TMC7: variants seen among roughly 807,000 people sequenced by gnomAD.
TMC7 encodes transmembrane channel-like protein 7.
TMC7 carries 54 observed loss-of-function variants against 82.9 expected under a neutral mutation model. That is an observed-to-expected ratio of 0.65 (90% CI 0.52 to 0.82). The LOEUF (loss-of-function observed/expected upper bound fraction) is 0.82. TMC7 is among the 40% of genes least tolerant of loss of function. The pLI is 0.00. For synonymous variants in TMC7, 350 were observed against 337.9 expected (o/e 1.04, Z -0.39); for missense variants, 820 against 901.2 (o/e 0.91, Z 1.15).
In TMC7 at chr16:19,062,408, A is replaced by C. The variant is rs989124198; in HGVS notation, c.*565A>C. ...TTTGGGAGGCCGAGGCAGGCGGAGC[A>C]CCTAAGTTGGGGAGTTCAAGACCAG... On this transcript the variant is annotated 3_prime_UTR_variant, in exon 16 of 16. Transcript: ENST00000304381. 1.3e-5 allele frequency: 2 copies of C among 152,270 alleles called. No individual in the cohort carries two copies. Among genetic ancestry groups the C allele is most frequent in the African/African-American group, 4.8e-5 (2 of 41,464 alleles). 9.4% of individuals were successfully genotyped at this position (152,270 alleles called of 1,614,324 possible).
chr16:19,048,545 C>T (rs528255521), intron 12 of TMC7, among the ~76,000 whole-genome samples: 1 of 152,236 alleles, frequency 6.6e-6, no homozygotes, highest in East Asian at 1.9e-4. Flanking sequence ...CCTCAGCCTC[C>T]TGAGTAGCTG....
chr16:19,054,986 G>A (rs1961706470), intron 13 of TMC7, among the ~76,000 whole-genome samples: 2 of 152,052 alleles, frequency 1.3e-5, no homozygotes, highest in African/African-American at 2.4e-5. Context: ...GACCTCAAGT[G>A]ATCCATCTGC....
rs1156952018 is a variant in TMC7, at chr16:19,047,111, G to A, written c.1602G>A (p.Gly534=). 2 of 1,613,928 alleles carry A rather than the reference G, an allele frequency of 1.2e-6. No homozygotes were observed. The highest frequency in any genetic ancestry group is 2.7e-5 in the African/African-American group (2 of 75,024). ...CSSCKLIQCW[G]QQEFAIPDNV... Reference sequence around the variant, plus strand: ...CTTGCAAGCTGATTCAGTGCTGGGGGCAGCAGGAGTTTGCCATTCCTGATA... The same window carrying A: ...CTTGCAAGCTGATTCAGTGCTGGGGACAGCAGGAGTTTGCCATTCCTGATA... Residue 534 remains glycine, a synonymous_variant, in exon 12 of 16, where the codon GGG becomes GGA. Transcript: ENST00000304381.
At chr16:18,997,561 G>T (rs1302776573) in intron 1 of TMC7, among the ~76,000 whole-genome samples, 1 of 151,546 alleles carries the variant, frequency 6.6e-6, no homozygotes, top group African/African-American at 2.4e-5. Context: ...GTAGAGACAG[G>T]GTTTCGCCAT....
At chr16:18,993,036 C>T (rs1001352524) in intron 1 of TMC7, among the ~76,000 whole-genome samples, 1 of 152,100 alleles carries the variant, frequency 6.6e-6, no homozygotes, top group African/African-American at 2.4e-5. Context: ...TAGCATGATG[C>T]CTCCAGCTTT....
chr16:19,014,868 AT>A, intron 2 of TMC7, among the ~76,000 whole-genome samples: 1 of 152,162 alleles, frequency 6.6e-6, no homozygotes, highest in Non-Finnish European at 1.5e-5. Flanking sequence ...TTCTAGGAAT[AT>A]TTATGGACAC....
intron 1 of TMC7, among the ~76,000 whole-genome samples, chr16:19,005,036 G>A (rs1272853984): frequency 1.3e-5 from 2 of 151,114 alleles, no homozygotes; most frequent in African/African-American, 2.4e-5. Context: ...TAAGTGTGAC[G>A]ATGCATGTTA....
chr16:19,047,147 G>A lies in TMC7; in HGVS notation c.1638G>A (p.Gly546=). 1.2e-6 allele frequency: 2 copies of A among 1,614,070 alleles called. 1 individual carries two copies. Among genetic ancestry groups the A allele is most frequent in the East Asian group, 4.5e-5 (2 of 44,856 alleles). Reference sequence around the variant, plus strand: ...TTGCCATTCCTGATAACGTCCTGGGGATAGTTTACGGGCAAACCATCTGCT... The same window carrying A: ...TTGCCATTCCTGATAACGTCCTGGGAATAGTTTACGGGCAAACCATCTGCT... ...QEFAIPDNVL[G]IVYGQTICWI... is the part of the protein sequence containing the mutation. Residue 546 remains glycine, a synonymous_variant, in exon 12 of 16, where the codon GGG becomes GGA. Transcript: ENST00000304381.
Position 19,021,772 on chromosome 16 carries a change from G to C in TMC7, c.604G>C (p.Val202Leu). 1 of 1,614,096 alleles carries C rather than the reference G, an allele frequency of 6.2e-7. No individual in the cohort carries two copies. The highest frequency in any genetic ancestry group is 1.6e-4 in the Middle Eastern group (1 of 6,062). ...TKYKITNSSFVLIPFKDMDKQ... is the reference protein window; with the variant it reads ...TKYKITNSSFLLIPFKDMDKQ... ...ATACAAGATCACCAACAGCAGCTTCGTGCTCATTCCTTTCAAAGACATGGG... is the reference window on the plus strand; with the variant it reads ...ATACAAGATCACCAACAGCAGCTTCCTGCTCATTCCTTTCAAAGACATGGG... Residue 202 changes from valine to leucine, a missense_variant, in exon 4 of 16, where the codon GTG (valine) becomes CTG (leucine). By Grantham distance (32) the Val-to-Leu change is conservative. Around this residue, in one of 2 missense-constraint regions of TMC7, gnomAD observed 650 missense variants for 669.9 expected, o/e 0.97. Coordinates refer to ENST00000304381, the MANE Select transcript of TMC7 (RefSeq NM_024847.4).
chr16:19,018,383 C>CA (rs765891237), intron 3 of TMC7, among the ~76,000 whole-genome samples: 12 of 152,102 alleles, frequency 7.9e-5, no homozygotes, highest in Admixed American at 5.2e-4. Context: ...GAGGCTCGAA[C>CA]AGGCCTTCTT....
intron 1 of TMC7, among the ~76,000 whole-genome samples, chr16:18,994,451 C>CAA (rs112762077): frequency 7.3e-5 from 9 of 123,494 alleles, no homozygotes; most frequent in African/African-American, 2.6e-4. Context: ...AGACTCTTCT[C>CAA]AAAAAAAAAA....
At chr16:18,991,621 A>G (rs2038952875) in intron 1 of TMC7, among the ~76,000 whole-genome samples, 1 of 152,120 alleles carries the variant, frequency 6.6e-6, no homozygotes, top group South Asian at 2.1e-4. Context: ...GTTATAGGGT[A>G]CATGTGCACA....
At chr16:19,036,624 G>A (rs1357457162) in intron 7 of TMC7, among the ~76,000 whole-genome samples, 1 of 152,114 alleles carries the variant, frequency 6.6e-6, no homozygotes, top group Admixed American at 6.6e-5. Flanking sequence ...TCTGAGGCAA[G>A]AGAATCAATT....
chr16:19,032,751 C>T (rs1960574376), intron 6 of TMC7, among the ~76,000 whole-genome samples: 1 of 152,030 alleles, frequency 6.6e-6, no homozygotes, highest in African/African-American at 2.4e-5. Flanking sequence ...CCTCAGCCTC[C>T]CAAGTAGCTG....
intron 2 of TMC7, among the ~76,000 whole-genome samples, chr16:19,015,891 G>A (rs1959663736): frequency 6.6e-6 from 1 of 151,978 alleles, no homozygotes; most frequent in African/African-American, 2.4e-5. Context: ...ACAAGTTTTT[G>A]TTTGAGAGCC....
intron 1 of TMC7, among the ~76,000 whole-genome samples, chr16:18,985,806 G>C (rs1409571496): frequency 2.0e-5 from 3 of 151,574 alleles, no homozygotes; most frequent in Admixed American, 6.6e-5. Context: ...CTGTTGTATG[G>C]GCATTATAGG....
intron 1 of TMC7, among the ~76,000 whole-genome samples, chr16:18,990,118 G>A (rs1028410410): frequency 9.2e-5 from 14 of 152,128 alleles, no homozygotes; most frequent in African/African-American, 3.1e-4. Context: ...GAATTGCAAA[G>A]AACCTTCTTA....
At chr16:19,030,113 A>ATCCC in intron 5 of TMC7, 111 bp from the exon 6 acceptor site, 1 of 1,084,030 alleles carries the variant, frequency 9.2e-7, no homozygotes, top group Non-Finnish European at 1.3e-6. Flanking sequence ...CTCTGGGGAT[A>ATCCC]CAGAGAGGAA....
intron 1 of TMC7, among the ~76,000 whole-genome samples, chr16:18,998,786 G>A (rs1167889980): frequency 6.6e-6 from 1 of 151,778 alleles, no homozygotes; most frequent in East Asian, 1.9e-4. Context: ...GGGCTTGAGG[G>A]CTTGAGTTCC....
Sources: allele counts gnomAD v4.1 joint callset (sites outside exome capture counted in the v4.1 genomes callset), GRCh38; gene constraint gnomAD v4.1.1; regional missense constraint gnomAD v4.1.1; transcripts MANE v1.5; gene names NCBI Gene and HGNC (gene_info 2026-07-23, HGNC 2026-07-21).